The following SGCG variants were observed in gnomAD, a reference collection of about 807,000 sequenced individuals.
SGCG encodes the protein sarcoglycan gamma, also known as gamma-sarcoglycan.
Under a neutral mutation model 29.3 loss-of-function variants are expected in SGCG, and 26 were observed. That is an observed-to-expected ratio of 0.89 (90% CI 0.65 to 1.23). The LOEUF (loss-of-function observed/expected upper bound fraction) is 1.23, where lower values mean the gene tolerates loss of function less well. Among genes scored for constraint, SGCG ranks in the 50% most tolerant of loss-of-function variants. The pLI is 0.00. For synonymous variants in SGCG, 145 were observed against 129.7 expected, an observed-to-expected ratio of 1.12 and a Z score of -0.80; for missense variants, 353 against 356.0, an observed-to-expected ratio of 0.99 and a Z score of 0.07.
At chr13:23,322,777 C>A (rs1566049081) in intron 7 of SGCG, among the ~76,000 whole-genome samples, 7 of 98,748 alleles carry the variant, frequency 7.1e-5, no homozygotes, top group Non-Finnish European at 1.1e-4. Flanking sequence ...CACCTCCCCC[C>A]CCCCCCCCCC....
At chr13:23,278,402 C>T (rs1881170752) in intron 4 of SGCG, among the ~76,000 whole-genome samples, 1 of 150,124 alleles carries the variant, frequency 6.7e-6, no homozygotes, top group East Asian at 2.0e-4. Flanking sequence ...GAGATCGCAC[C>T]ATTGCACTCC....
At chr13:23,293,056 A>C (rs924877739) in intron 5 of SGCG, among the ~76,000 whole-genome samples, 2 of 152,202 alleles carry the variant, frequency 1.3e-5, no homozygotes, top group Non-Finnish European at 2.9e-5. Flanking sequence ...AGCAAACCAG[A>C]CATTGTACTC....
At chr13:23,178,250 G>A (rs145862386), upstream of SGCG, among the ~76,000 whole-genome samples, 401 of 152,290 alleles carry the variant, frequency 2.6e-3, 1 homozygote, top group African/African-American at 9.0e-3. Context: ...GAATCTCCAA[G>A]TCAGGCAGGA....
At chr13:23,171,842 T>A in the SGCG span, among the ~76,000 whole-genome samples, 1 of 152,330 alleles carries the variant, frequency 6.6e-6, no homozygotes, top group African/African-American at 2.4e-5. Flanking sequence ...ACTCATCTCC[T>A]GCTGTGCAGC....
rs558549100 is a variant in SGCG, at chr13:23,307,968, G to C, written c.578+12481G>C. 3.3e-5 allele frequency among the ~76,000 whole-genome samples: 5 copies of C among 151,992 alleles called. No homozygotes were observed. The East Asian group carries it at 9.7e-4, about 29-fold the overall frequency. On this transcript the variant is annotated intron_variant, in intron 6 of 7. Coordinates refer to ENST00000218867, the MANE Select transcript of SGCG (RefSeq NM_000231.3). Reference sequence around the variant, plus strand: ...AAAATAAAAATAAAAACCCACATATGGGTCTCTATAAATGTCAACATTACA... The same window carrying C: ...AAAATAAAAATAAAAACCCACATATCGGTCTCTATAAATGTCAACATTACA...
At chr13:23,184,752 C>T (rs1164150490) in intron 1 of SGCG, among the ~76,000 whole-genome samples, 1 of 152,174 alleles carries the variant, frequency 6.6e-6, no homozygotes, top group Non-Finnish European at 1.5e-5. Context: ...TCTTCCTCTC[C>T]TAACCTAGCC....
the SGCG span, among the ~76,000 whole-genome samples, chr13:23,162,824 C>T: frequency 2.0e-5 from 3 of 151,592 alleles, no homozygotes; most frequent in Admixed American, 1.3e-4. Context: ...AGTAAGACTC[C>T]GTCTCAAAAA....
chr13:23,204,025 A>C, intron 2 of SGCG, 136 bp downstream of exon 2: 2 of 713,938 alleles, frequency 2.8e-6, no homozygotes, highest in Non-Finnish European at 5.0e-6. Context: ...TTCAGGAGCA[A>C]AATATGTATG....
At chr13:23,309,299 G>A (rs1882473389) in intron 6 of SGCG, among the ~76,000 whole-genome samples, 1 of 152,074 alleles carries the variant, frequency 6.6e-6, no homozygotes, top group South Asian at 2.1e-4. Flanking sequence ...ATATTGTCCA[G>A]GCTGGCCTTG....
upstream of SGCG, among the ~76,000 whole-genome samples, chr13:23,176,622 G>A (rs1051474310): frequency 3.3e-5 from 5 of 151,762 alleles, no homozygotes; most frequent in Non-Finnish European, 5.9e-5. Context: ...GTCTATGTGT[G>A]TCCTTATAGG....
chr13:23,261,789 A>G (rs1165491044), intron 4 of SGCG, among the ~76,000 whole-genome samples: 1 of 152,118 alleles, frequency 6.6e-6, no homozygotes, highest in Non-Finnish European at 1.5e-5. Context: ...AGGAAAACCT[A>G]TCAGACTAAC....
At chr13:23,322,380 G>A (rs1001881077) in intron 7 of SGCG, among the ~76,000 whole-genome samples, 2 of 152,176 alleles carry the variant, frequency 1.3e-5, no homozygotes, top group African/African-American at 2.4e-5. Flanking sequence ...TAAAAAGCAT[G>A]CAGGTTATAC....
chr13:23,309,879 G>C (rs1364939745), intron 6 of SGCG, among the ~76,000 whole-genome samples: 14 of 151,808 alleles, frequency 9.2e-5, no homozygotes. Context: ...GTCCATTTTG[G>C]TTGTTTCCTT....
chr13:23,284,712 T>G (rs1881431813), intron 5 of SGCG, among the ~76,000 whole-genome samples: 1 of 152,216 alleles, frequency 6.6e-6, no homozygotes, highest in Non-Finnish European at 1.5e-5. Context: ...TTTTCAGCCT[T>G]TTTATGCTGG....
the SGCG span, chr13:23,170,432 G>T: frequency 6.6e-6 from 1 of 152,138 alleles, no homozygotes; most frequent in African/African-American, 2.4e-5. Context: ...GGCACATATG[G>T]CAGAGAATCA....
chr13:23,306,843 T>C (rs1882379585), intron 6 of SGCG, among the ~76,000 whole-genome samples: 2 of 152,202 alleles, frequency 1.3e-5, no homozygotes, highest in South Asian at 4.1e-4. Context: ...GATTGAAAGT[T>C]TCATCCAGTA....
chr13:23,292,403 C>T (rs1390659567), intron 5 of SGCG, among the ~76,000 whole-genome samples: 1 of 152,052 alleles, frequency 6.6e-6, no homozygotes, highest in Non-Finnish European at 1.5e-5. Flanking sequence ...AGCCACTGCG[C>T]CCACCGACGT....
intron 4 of SGCG, among the ~76,000 whole-genome samples, chr13:23,278,763 C>T (rs895025310): frequency 2.7e-4 from 41 of 152,152 alleles, no homozygotes; most frequent in African/African-American, 9.7e-4. Flanking sequence ...AGGGCATAAC[C>T]TTGGATACAA....
At chr13:23,217,605 G>T (rs1252111608) in intron 2 of SGCG, 1 of 151,782 alleles carries the variant, frequency 6.6e-6, no homozygotes, top group Non-Finnish European at 1.5e-5. Flanking sequence ...TTGTCCTATG[G>T]TAGCTGCTCT....
Sources: gnomAD v4.1 joint callset for allele counts (sites outside exome capture counted in the v4.1 genomes callset) on GRCh38, gnomAD v4.1.1 for gene constraint, MANE v1.5 for transcripts, NCBI Gene and HGNC (gene_info 2026-07-23, HGNC 2026-07-21) for gene names.